Variants in KRT33B observed in about 807,000 individuals in gnomAD.
KRT33B encodes keratin, type I cuticular Ha3-II.
In KRT33B, 37 loss-of-function variants were observed where a neutral mutation model predicts 42.7. That is an observed-to-expected ratio of 0.87 (90% confidence interval 0.67 to 1.14). The LOEUF (loss-of-function observed/expected upper bound fraction) is 1.14, where lower values mean the gene tolerates loss of function less well. KRT33B is among the 50% of genes most tolerant of loss of function. The pLI is 0.00. For missense variants in KRT33B, 523 were observed against 515.1 expected, an observed-to-expected ratio of 1.02 and a Z score of -0.15; for synonymous variants, 237 against 221.2, an observed-to-expected ratio of 1.07 and a Z score of -0.63.
chr17:41,365,637 G>A, intron 3 of KRT33B, 84 bp from the exon 4 acceptor site: 3 of 1,500,072 alleles, frequency 2.0e-6, no homozygotes, highest in African/African-American at 1.5e-5. Context: ...AATGGGAAGA[G>A]GATTGCATTG....
In KRT33B at chr17:41,363,941, G is replaced by A. The variant is rs780434769; in HGVS notation, c.1110C>T (p.Asn370=). ...CACATGCATTGGTGGTGGCGCAGGG[G>A]TTGGAGGGCAGCCTGGGATGCAGAA... ...LESEDCKLPS[N]PCATTNACEK... Residue 370 remains asparagine (N), a synonymous_variant, in exon 7 of 7, where the codon AAC becomes AAT. Coordinates refer to ENST00000251646, the MANE Select transcript of KRT33B (RefSeq NM_002279.5). 2.5e-6 allele frequency: 4 copies of A among 1,610,186 alleles called. No homozygotes were observed. The highest frequency in any genetic ancestry group is 1.1e-5 in the South Asian group (1 of 90,438).
intron 2 of KRT33B, among the ~76,000 whole-genome samples, chr17:41,367,381 G>A (rs1416414102): frequency 6.6e-6 from 1 of 151,370 alleles, no homozygotes; most frequent in South Asian, 2.1e-4. Flanking sequence ...TTGAAAAGGA[G>A]TAAGAATGGA....
intron 3 of KRT33B, 79 bp from the exon 4 acceptor site, chr17:41,365,632 G>A (rs977578256): frequency 4.7e-5 from 71 of 1,516,584 alleles, no homozygotes; most frequent in Non-Finnish European, 5.9e-5. Flanking sequence ...AATATAATGG[G>A]AAGAGGATTG....
intron 4 of KRT33B, 40 bp from the exon 5 acceptor site, chr17:41,365,340 C>T (rs376169969): frequency 2.4e-5 from 38 of 1,610,310 alleles, no homozygotes; most frequent in Middle Eastern, 1.7e-4. Context: ...ACCCTGCCTC[C>T]GGGGCCCTGG....
In KRT33B at chr17:41,369,662, G is replaced by T. The variant is rs769903733; in HGVS notation, c.89C>A (p.Thr30Asn). The T allele has an allele frequency of 6.9e-5, 111 of 1,613,806 alleles. No individual in the cohort carries two copies. Among genetic ancestry groups the T allele is most frequent in the Non-Finnish European group, 8.5e-5 (100 of 1,180,008 alleles). ...AGGGATGTTGCAGGCCCCGGGCAGGGTGTAGCCGTGGCAGCTGGGGGGCAC... is the reference window on the plus strand; with the variant it reads ...AGGGATGTTGCAGGCCCCGGGCAGGTTGTAGCCGTGGCAGCTGGGGGGCAC... ...PCVPPSCHGYTLPGACNIPAN... is the reference protein window; with the variant it reads ...PCVPPSCHGYNLPGACNIPAN... Residue 30 changes from threonine (T) to asparagine (N), a missense_variant, in exon 1 of 7, where the codon ACC becomes AAC. Physicochemically the swap from Thr to Asn is moderately conservative, Grantham distance 65. Transcript: ENST00000251646.
chr17:41,366,618 G>T lies in KRT33B; in HGVS notation c.440C>A (p.Thr147Lys). 1 of 1,609,018 alleles carries T rather than the reference G, an allele frequency of 6.2e-7. No homozygotes were observed. The highest frequency in any genetic ancestry group is 2.2e-5 in the East Asian group (1 of 44,724). ...AADDFRTKYQ[T>K]EQSLRQLVES... is the part of the protein sequence containing the mutation. ...CACCAGCTGCCGCAGGGACTGCTCC[G>T]TCTGGTACCTGCACACACAGCCAGA... The change falls in exon 3 of 7, where the codon ACG becomes AAG. Residue 147 changes from threonine (T) to lysine (K), a missense_variant. Coordinates refer to ENST00000251646, the MANE Select transcript of KRT33B (RefSeq NM_002279.5).
rs762272855 is a variant in KRT33B, at chr17:41,366,418, AG to A, written c.588+51del. ...AATCAAATCCTACCTTATCCTATTC[AG>A]GGGGATCACAGAGCTCTCAGTATTG... On this transcript the variant is annotated intron_variant, in intron 3 of 6. Transcript: ENST00000251646. The A allele has an allele frequency of 8.0e-4, 1,277 of 1,600,410 alleles. 2 individuals carry two copies. Among genetic ancestry groups the A allele is most frequent in the South Asian group, 1.9e-3 (172 of 90,320 alleles).
chr17:41,364,088 CCTT>C (rs2144294280), intron 6 of KRT33B, 135 bp from the exon 7 acceptor site: 1 of 612,194 alleles, frequency 1.6e-6, no homozygotes, highest in Admixed American at 2.8e-5. Context: ...TTGGATCACT[CCTT>C]CTACAGAGTT....
chr17:41,368,124 A>C, intron 1 of KRT33B, 134 bp from the exon 2 acceptor site: 1 of 797,428 alleles, frequency 1.3e-6, no homozygotes. Context: ...TCTGAGATAA[A>C]AGGAGGATTT....
chr17:41,363,937 A>G lies in KRT33B; in HGVS notation c.1114T>C (p.Cys372Arg), dbSNP rs2144294007. 6.2e-7 allele frequency: 1 copy of G among 1,610,276 alleles called. No homozygotes were observed. The highest frequency in any genetic ancestry group is 2.2e-5 in the East Asian group (1 of 44,862). ...TTTTCACATGCATTGGTGGTGGCGC[A>G]GGGGTTGGAGGGCAGCCTGGGATGC... Reference protein sequence around the residue: ...SEDCKLPSNPCATTNACEKPI... With the variant: ...SEDCKLPSNPRATTNACEKPI... Residue 372 changes from cysteine (C) to arginine (R), a missense_variant, in exon 7 of 7, where the codon TGC becomes CGC. Physicochemically the swap from Cys to Arg is radical, Grantham distance 180. Coordinates refer to ENST00000251646, the MANE Select transcript of KRT33B (RefSeq NM_002279.5).
chr17:41,367,815 A>G, intron 2 of KRT33B, 93 bp downstream of exon 2: 1 of 1,131,826 alleles, frequency 8.8e-7, no homozygotes, highest in Non-Finnish European at 1.3e-6. Flanking sequence ...CCCAATAGAA[A>G]TTTCTGCTTC....
intron 2 of KRT33B, 116 bp downstream of exon 2, chr17:41,367,792 A>G: frequency 1.2e-6 from 1 of 865,176 alleles, no homozygotes; most frequent in South Asian, 1.5e-5. Context: ...TCCTAACCCA[A>G]TGCAAGAATC....
At chr17:41,368,954 AG>A in intron 1 of KRT33B, among the ~76,000 whole-genome samples, 1 of 151,574 alleles carries the variant, frequency 6.6e-6, no homozygotes, top group Non-Finnish European at 1.5e-5. Flanking sequence ...ATATTGCTGG[AG>A]TCAACAGCTC....
At position 41,365,453 on chromosome 17, in the gene KRT33B, T is replaced by C. The variant is rs559565368; in HGVS notation, c.689A>G (p.Asn230Ser). ...DLNQVLNETRNQYEALVETNR... is the reference protein window; with the variant it reads ...DLNQVLNETRSQYEALVETNR... ...GGTTTCCACCAGGGCCTCATACTGA[T>C]TCCTGGTCTCGTTCAGGACCTGGTT... Residue 230 changes from asparagine (N) to serine (S), a missense_variant, in exon 4 of 7, where the codon AAT becomes AGT. Asn to Ser is a conservative substitution (Grantham distance 46, BLOSUM62 1). Coordinates refer to ENST00000251646, the MANE Select transcript of KRT33B (RefSeq NM_002279.5). 2.4e-5 allele frequency: 38 copies of C among 1,613,096 alleles called. No individual in the cohort carries two copies. Among genetic ancestry groups the C allele is most frequent in the East Asian group, 1.3e-4 (6 of 44,894 alleles).
rs774682769 is a variant in KRT33B, at chr17:41,369,714, G to A, written c.37C>T (p.Arg13Cys). The A allele has an allele frequency of 2.6e-5, 42 of 1,613,756 alleles. No homozygotes were observed. The highest frequency in any genetic ancestry group is 1.7e-4 in the Middle Eastern group (1 of 6,050). The change falls in exon 1 of 7, where the codon CGC becomes TGC. Residue 13 changes from arginine to cysteine, a missense_variant. Transcript: ENST00000251646. The stretch of plus-strand genomic sequence containing the variant: ...CAGGGCCGGGAGGAGCAGCTGGTGC[G>A]GCAGCTCAGGCTGGGCAGGCAGAAG... ...YNFCLPSLSC[R>C]TSCSSRPCVP...
At position 41,368,406 on chromosome 17, in the gene KRT33B, G is replaced by A. The variant is rs1022703761; in HGVS notation, c.349-416C>T. ...CTCCCCTCATATTGCCCTTGTTCAT[G>A]CCTTTGCAAAAAGCTTCTTGCTGTA... On this transcript the variant is annotated intron_variant, in intron 1 of 6. Transcript: ENST00000251646. Among the ~76,000 whole-genome samples the A allele has an allele frequency of 4.0e-5, 6 of 151,248 alleles. 1 individual carries two copies. The highest frequency in any genetic ancestry group is 1.5e-4 in the African/African-American group (6 of 40,548).
At position 41,363,945 on chromosome 17, in the gene KRT33B, G is replaced by A. The variant is rs1219919107; in HGVS notation, c.1106C>T (p.Ser369Phe). 6.2e-7 allele frequency: 1 copy of A among 1,609,410 alleles called. No individual in the cohort carries two copies. Among genetic ancestry groups the A allele is most frequent in the Non-Finnish European group, 8.5e-7 (1 of 1,178,238 alleles). ...TGCATTGGTGGTGGCGCAGGGGTTGGAGGGCAGCCTGGGATGCAGAAGCAT... is the reference window on the plus strand; with the variant it reads ...TGCATTGGTGGTGGCGCAGGGGTTGAAGGGCAGCCTGGGATGCAGAAGCAT... Reference protein sequence around the residue: ...LLESEDCKLPSNPCATTNACE... With the variant: ...LLESEDCKLPFNPCATTNACE... Residue 369 changes from serine (S) to phenylalanine (F), a missense_variant, in exon 7 of 7, where the codon TCC (serine) becomes TTC (phenylalanine). Ser to Phe is a radical substitution (Grantham distance 155). Coordinates refer to ENST00000251646, the MANE Select transcript of KRT33B (RefSeq NM_002279.5).
At chr17:41,366,320 C>T (rs765718922) in intron 3 of KRT33B, 150 bp downstream of exon 3, 45 of 865,440 alleles carry the variant, frequency 5.2e-5, no homozygotes, top group Non-Finnish European at 7.1e-5. Context: ...TAAGCTGTCA[C>T]TCATTCCCCA....
chr17:41,365,602 T>A, intron 3 of KRT33B, 49 bp from the exon 4 acceptor site: 1 of 1,581,892 alleles, frequency 6.3e-7, no homozygotes, highest in Non-Finnish European at 8.6e-7. Context: ...AGTCTTTCAA[T>A]AACTTCTTTG....
Sources: gnomAD v4.1 joint callset for allele counts (sites outside exome capture counted in the v4.1 genomes callset) on GRCh38, gnomAD v4.1.1 for gene constraint, MANE v1.5 for transcripts, NCBI Gene and HGNC (gene_info 2026-07-23, HGNC 2026-07-21) for gene names.